TMEM233: variants seen among roughly 807,000 people sequenced by gnomAD.
TMEM233 encodes the protein dispanin subfamily B member 2.
In TMEM233, 6 loss-of-function variants were observed where a neutral mutation model predicts 11.2. The ratio of observed to expected loss-of-function variants is 0.54; its 90% CI spans 0.29 to 1.06. The LOEUF (loss-of-function observed/expected upper bound fraction) is 1.06. Ranked by LOEUF, TMEM233 falls within the 50% of genes least tolerant of loss-of-function variation. The pLI is 0.08. For missense variants in TMEM233, 127 were observed against 144.7 expected, an observed-to-expected ratio of 0.88 and a Z score of 0.63; for synonymous variants, 59 against 55.8, an observed-to-expected ratio of 1.06 and a Z score of -0.26.
chr12:119,645,132 G>A (rs751567879), downstream of TMEM233, among the ~76,000 whole-genome samples: 27 of 152,048 alleles, frequency 1.8e-4, no homozygotes, highest in Non-Finnish European at 3.7e-4. Flanking sequence ...CCCTGTCTCT[G>A]CCCACAAGTT....
intron 1 of TMEM233, among the ~76,000 whole-genome samples, chr12:119,611,964 G>A (rs774458101): frequency 4.0e-5 from 6 of 151,838 alleles, no homozygotes; most frequent in Non-Finnish European, 5.9e-5. Context: ...ATCATCTCAC[G>A]TAAGCCTCAC....
Position 119,594,515 on chromosome 12 carries a change from A to T in TMEM233, c.186+481A>T, listed in dbSNP as rs931946962. On this transcript the variant is annotated intron_variant, in intron 1 of 2. Transcript: ENST00000426426. The surrounding 1 kb of genome is among the most constrained non-coding windows in gnomAD (Gnocchi z 5.6). ...GGGCTCCTGCTCTCCAGCGCCCAGG[A>T]CTGTCTCTATCTCAGCCTGTGCTCC... The T allele has an allele frequency of 1.9e-5, 3 of 158,196 alleles. No homozygotes were observed. Among genetic ancestry groups the T allele is most frequent in the Non-Finnish European group, 4.2e-5 (3 of 72,046 alleles). The allele number at this position is 158,196 out of a possible 1,614,324, so 9.8% of individuals were successfully genotyped here.
chr12:119,626,538 G>GGAGAAGAGAAGAGAA (rs199737179), intron 1 of TMEM233, among the ~76,000 whole-genome samples: 1,312 of 63,470 alleles, frequency 0.021, 45 homozygotes, highest in Admixed American at 0.036. Flanking sequence ...AAGGGAGAAG[G>GGAGAAGAGAAGAGAA]GAGAAGAGAA....
chr12:119,629,765 C>G lies in TMEM233; in HGVS notation c.216C>G (p.Tyr72Ter). The change falls in exon 2 of 3, where the codon TAC (tyrosine) becomes TAG (stop). Residue 72 changes from tyrosine to a stop codon, truncating the protein, a stop_gained. Transcript: ENST00000426426. LOFTEE classifies it high-confidence loss of function. ...TGAACAGCTACAACGATGGAGACTA[C>G]GAAGGAGCCAGGCGGCTTGGGCGGA... ...MSLNSYNDGD[Y>*]EGARRLGRNA... 1 of 1,551,536 alleles carries G rather than the reference C, an allele frequency of 6.4e-7. No individual in the cohort carries two copies. Among genetic ancestry groups the G allele is most frequent in the Non-Finnish European group, 8.7e-7 (1 of 1,146,908 alleles).
downstream of TMEM233, among the ~76,000 whole-genome samples, chr12:119,645,878 T>G (rs1211183518): frequency 6.6e-6 from 1 of 152,104 alleles, no homozygotes; most frequent in Admixed American, 6.6e-5. Flanking sequence ...GCATGGGGAC[T>G]AGTTGTACTA....
chr12:119,594,142 C>A lies in TMEM233; in HGVS notation c.186+108C>A. On this transcript the variant is annotated intron_variant, in intron 1 of 2. Coordinates refer to ENST00000426426, the MANE Select transcript of TMEM233 (RefSeq NM_001136534.3). The surrounding 1 kb of genome is among the most constrained non-coding windows in gnomAD (Gnocchi z 5.6). ...TGCGGCTCCCTTCCTCACGGCCCGG[C>A]CCGCGCTAGGTGTTCTTTGTCCTCG... 8.7e-7 allele frequency: 1 copy of A among 1,152,970 alleles called. No homozygotes were observed. Among genetic ancestry groups the A allele is most frequent in the Non-Finnish European group, 1.2e-6 (1 of 819,924 alleles). The allele number at this position is 1,152,970 out of a possible 1,614,324, so 71.4% of individuals were successfully genotyped here.
chr12:119,600,800 G>A (rs1228247800), intron 1 of TMEM233, among the ~76,000 whole-genome samples: 2 of 152,170 alleles, frequency 1.3e-5, no homozygotes, highest in Non-Finnish European at 2.9e-5. Flanking sequence ...GGGAAATGGG[G>A]AGTTACTGTT....
At chr12:119,600,387 TAA>T (rs10682613) in intron 1 of TMEM233, among the ~76,000 whole-genome samples, 21 of 139,932 alleles carry the variant, frequency 1.5e-4, no homozygotes, top group African/African-American at 5.3e-4. Context: ...GTGGGTAGAT[TAA>T]AAAAAAAAAA....
intron 2 of TMEM233, among the ~76,000 whole-genome samples, chr12:119,638,483 T>A (rs892908647): frequency 2.6e-5 from 4 of 151,730 alleles, no homozygotes; most frequent in Admixed American, 1.3e-4. Context: ...AACAAAAAAA[T>A]TTTTAAAAAC....
chr12:119,601,685 A>G (rs1040219085), intron 1 of TMEM233, among the ~76,000 whole-genome samples: 1 of 152,046 alleles, frequency 6.6e-6, no homozygotes, highest in Non-Finnish European at 1.5e-5. Context: ...AAATAGTGAA[A>G]AGATGACTTC....
At chr12:119,618,932 C>CA (rs1954590249) in intron 1 of TMEM233, among the ~76,000 whole-genome samples, 1 of 152,110 alleles carries the variant, frequency 6.6e-6, no homozygotes, top group East Asian at 1.9e-4. Context: ...GCCAGGAGTG[C>CA]AATGATATGG....
At chr12:119,629,630 G>C (rs1437715914) in intron 1 of TMEM233, 106 bp from the exon 2 acceptor site, 1 of 1,220,234 alleles carries the variant, frequency 8.2e-7, no homozygotes, top group Non-Finnish European at 1.1e-6. Context: ...GATGAGCAAA[G>C]TCACCAGAGA....
At chr12:119,651,169 C>T in the TMEM233 span, among the ~76,000 whole-genome samples, 17 of 152,318 alleles carry the variant, frequency 1.1e-4, no homozygotes, top group South Asian at 3.1e-3. Flanking sequence ...TGGAAAATTT[C>T]AGATAGAAGA....
chr12:119,648,913 T>C, the TMEM233 span, among the ~76,000 whole-genome samples: 1 of 152,250 alleles, frequency 6.6e-6, no homozygotes, highest in African/African-American at 2.4e-5. Context: ...CTGTAAATCC[T>C]GTCTCAAAAC....
intron 2 of TMEM233, among the ~76,000 whole-genome samples, chr12:119,638,526 T>C (rs1486012653): frequency 6.6e-6 from 1 of 152,124 alleles, no homozygotes; most frequent in Non-Finnish European, 1.5e-5. Context: ...CCAATTAAAT[T>C]AGAATCTCCA....
intron 1 of TMEM233, among the ~76,000 whole-genome samples, chr12:119,604,998 C>G (rs1314761933): frequency 7.1e-6 from 1 of 141,458 alleles, no homozygotes; most frequent in East Asian, 2.0e-4. Context: ...CCCTCACTAT[C>G]TTTTTTTTTT....
intron 2 of TMEM233, among the ~76,000 whole-genome samples, chr12:119,637,667 AT>A (rs1176894408): frequency 6.6e-6 from 1 of 152,172 alleles, no homozygotes; most frequent in African/African-American, 2.4e-5. Context: ...ATCATTACCT[AT>A]TTCTAGAAGG....
intron 1 of TMEM233, among the ~76,000 whole-genome samples, chr12:119,628,601 G>A (rs1271416880): frequency 2.1e-5 from 3 of 141,590 alleles, no homozygotes; most frequent in Non-Finnish European, 4.5e-5. Flanking sequence ...CCAGATTCAC[G>A]CCATTCTCTT....
chr12:119,612,742 C>T (rs1954427043), intron 1 of TMEM233, among the ~76,000 whole-genome samples: 1 of 115,944 alleles, frequency 8.6e-6, no homozygotes, highest in Non-Finnish European at 1.8e-5. Flanking sequence ...CAGACCAAGA[C>T]TCCGTCTCAA....
Sources: allele counts gnomAD v4.1 joint callset (sites outside exome capture counted in the v4.1 genomes callset), GRCh38; gene constraint gnomAD v4.1.1; non-coding constraint Gnocchi (gnomAD v3.1); transcripts MANE v1.5; gene names NCBI Gene and HGNC (gene_info 2026-07-23, HGNC 2026-07-21).